Variants in SSBP2 observed in about 807,000 individuals in gnomAD.
The protein encoded by SSBP2 is single stranded DNA binding protein 2, also known as single-stranded DNA-binding protein 2.
SSBP2 carries 17 observed loss-of-function variants against 61.8 expected under a neutral mutation model. The ratio of observed to expected loss-of-function variants is 0.28; its 90% CI spans 0.19 to 0.41. The LOEUF (loss-of-function observed/expected upper bound fraction) is 0.41. SSBP2 is among the 10% of genes least tolerant of loss of function. SSBP2 has a pLI of 1.00. For missense variants in SSBP2, 310 were observed against 458.7 expected (o/e 0.68, Z 2.96); for synonymous variants, 139 against 141.3 (o/e 0.98, Z 0.12).
In SSBP2 at chr5:81,554,968, C is replaced by G. The variant is rs543304994; in HGVS notation, c.283-41251G>C. Among the ~76,000 whole-genome samples the G allele has an allele frequency of 3.3e-5, 5 of 152,208 alleles. No individual in the cohort carries two copies. The East Asian group carries it at 9.6e-4, about 29-fold the overall frequency. ...AGCCATTGAACTTTATAGTGAGCAT[C>G]TGGGTAGTGCCACCGTGCAGATGTT... On this transcript the variant is annotated intron_variant, in intron 4 of 16. Coordinates refer to ENST00000320672, the MANE Select transcript of SSBP2 (RefSeq NM_012446.5).
At chr5:81,469,655 T>C (rs1038298088) in intron 8 of SSBP2, among the ~76,000 whole-genome samples, 3 of 151,970 alleles carry the variant, frequency 2.0e-5, no homozygotes, top group South Asian at 2.1e-4. Flanking sequence ...TGGCACACAG[T>C]AGGCCTTCCA....
chr5:81,695,523 C>T (rs57455684), intron 1 of SSBP2, among the ~76,000 whole-genome samples: 3,225 of 139,996 alleles, frequency 0.023, 131 homozygotes, highest in African/African-American at 0.082. Context: ...CGACAGGCCC[C>T]GGTGTGTGAT....
intron 1 of SSBP2, among the ~76,000 whole-genome samples, chr5:81,655,493 A>G (rs1439494318): frequency 6.6e-6 from 1 of 152,234 alleles, no homozygotes; most frequent in Non-Finnish European, 1.5e-5. Flanking sequence ...TCTTCATTTC[A>G]TTCTAATTTT....
intron 1 of SSBP2, among the ~76,000 whole-genome samples, chr5:81,712,694 A>C (rs1373018756): frequency 1.3e-5 from 2 of 151,126 alleles, no homozygotes; most frequent in Non-Finnish European, 2.9e-5. Flanking sequence ...GTCCCACCAA[A>C]ATGAAAGTAA....
chr5:81,642,863 A>G (rs1412259008), intron 2 of SSBP2, among the ~76,000 whole-genome samples: 1 of 152,244 alleles, frequency 6.6e-6, no homozygotes, highest in East Asian at 1.9e-4. Flanking sequence ...ATTTGTACAA[A>G]AAAGAAAAAA....
At chr5:81,647,600 C>G (rs911464320) in intron 2 of SSBP2, among the ~76,000 whole-genome samples, 2 of 152,000 alleles carry the variant, frequency 1.3e-5, no homozygotes, top group African/African-American at 2.4e-5. Flanking sequence ...ATCACATACA[C>G]TTATCTCCAA....
intron 1 of SSBP2, among the ~76,000 whole-genome samples, chr5:81,729,244 T>C (rs1756096708): frequency 6.6e-6 from 1 of 152,124 alleles, no homozygotes; most frequent in African/African-American, 2.4e-5. Context: ...CTGAATTAGG[T>C]TATATTTGCG....
intron 4 of SSBP2, among the ~76,000 whole-genome samples, chr5:81,556,626 T>C (rs1772628433): frequency 6.6e-6 from 1 of 152,122 alleles, no homozygotes; most frequent in South Asian, 2.1e-4. Context: ...TTACTATGGA[T>C]CCTATTCCCT....
chr5:81,559,541 A>C (rs1772878712), intron 4 of SSBP2, among the ~76,000 whole-genome samples: 1 of 151,984 alleles, frequency 6.6e-6, no homozygotes, highest in Non-Finnish European at 1.5e-5. Flanking sequence ...CCATCACAAA[A>C]AAGGAAAAAA....
chr5:81,421,247 A>G lies in SSBP2; in HGVS notation c.1057-714T>C, dbSNP rs938000881. On this transcript the variant is annotated intron_variant, in intron 16 of 16. Transcript: ENST00000320672. ...CACTCTGTCACTCAGGCTGGAGTGC[A>G]GTGGTGTGATCTCAGCTCACTGCAA... Among the ~76,000 whole-genome samples, 3 of 152,172 alleles carry G rather than the reference A, an allele frequency of 2.0e-5. No homozygotes were observed. The East Asian group carries it at 5.8e-4, about 29-fold the overall frequency.
chr5:81,702,199 C>T (rs573325416), intron 1 of SSBP2, among the ~76,000 whole-genome samples: 1 of 152,222 alleles, frequency 6.6e-6, no homozygotes, highest in Admixed American at 6.5e-5. Context: ...GATGAAACCA[C>T]GTCTCTACTA....
chr5:81,634,779 G>A (rs1296574874), intron 3 of SSBP2, among the ~76,000 whole-genome samples: 1 of 152,138 alleles, frequency 6.6e-6, no homozygotes, highest in Non-Finnish European at 1.5e-5. Flanking sequence ...CACATGGTAT[G>A]GTTGATCCAA....
At chr5:81,468,062 A>G (rs1459416955) in intron 8 of SSBP2, among the ~76,000 whole-genome samples, 10 of 151,990 alleles carry the variant, frequency 6.6e-5, no homozygotes, top group Non-Finnish European at 1.5e-5. Flanking sequence ...TCTGGATACC[A>G]TCTTACTCAC....
chr5:81,453,954 A>T (rs6452411), intron 10 of SSBP2, among the ~76,000 whole-genome samples: 45 of 152,204 alleles, frequency 3.0e-4, no homozygotes, highest in African/African-American at 9.9e-4. Flanking sequence ...TAAGTCACTG[A>T]GTTTGGTTGG....
chr5:81,487,224 T>C (rs1483793667), intron 6 of SSBP2, among the ~76,000 whole-genome samples: 16 of 152,340 alleles, frequency 1.1e-4, no homozygotes, highest in Admixed American at 9.8e-4. Flanking sequence ...AAGTATTCCA[T>C]AGTGTTAAGC....
At chr5:81,553,009 A>C (rs1162042469) in intron 4 of SSBP2, among the ~76,000 whole-genome samples, 1 of 152,208 alleles carries the variant, frequency 6.6e-6, no homozygotes, top group Non-Finnish European at 1.5e-5. Context: ...GTAGCAGTTC[A>C]GGAAATGAGG....
intron 4 of SSBP2, among the ~76,000 whole-genome samples, chr5:81,604,423 T>C (rs1744679476): frequency 6.6e-6 from 1 of 152,080 alleles, no homozygotes; most frequent in African/African-American, 2.4e-5. Context: ...GTGGTGTGCT[T>C]TGTACTGACC....
chr5:81,595,290 G>C (rs1484812177), intron 4 of SSBP2, among the ~76,000 whole-genome samples: 1 of 152,146 alleles, frequency 6.6e-6, no homozygotes, highest in South Asian at 2.1e-4. Context: ...GACTAAACCA[G>C]GAAGAAGTTG....
intron 10 of SSBP2, among the ~76,000 whole-genome samples, chr5:81,453,487 C>G (rs1763917610): frequency 8.2e-6 from 1 of 121,732 alleles, no homozygotes; most frequent in African/African-American, 3.3e-5. Flanking sequence ...GAGACGGAGT[C>G]TTGCCGTCGC....
Sources: gnomAD v4.1 joint callset for allele counts (sites outside exome capture counted in the v4.1 genomes callset) on GRCh38, gnomAD v4.1.1 for gene constraint, MANE v1.5 for transcripts, NCBI Gene and HGNC (gene_info 2026-07-23, HGNC 2026-07-21) for gene names.